VSTM1: variants seen among roughly 807,000 people sequenced by gnomAD.
VSTM1 encodes the protein V-set and transmembrane domain-containing protein 1.
In VSTM1, 27 loss-of-function variants were observed where a neutral mutation model predicts 33.1. The ratio of observed to expected loss-of-function variants is 0.82; its 90% CI spans 0.60 to 1.12. The LOEUF is 1.12. Among genes scored for constraint, VSTM1 ranks in the 50% most tolerant of loss-of-function variants. The pLI is 0.00. For synonymous variants in VSTM1, 115 were observed against 110.3 expected, an observed-to-expected ratio of 1.04 and a Z score of -0.27; for missense variants, 304 against 288.9, an observed-to-expected ratio of 1.05 and a Z score of -0.38.
chr19:54,055,081 A>G (rs1182579541), intron 3 of VSTM1, among the ~76,000 whole-genome samples: 1 of 139,830 alleles, frequency 7.2e-6, no homozygotes. Flanking sequence ...TGGGATCTCA[A>G]GTCATGTATG....
In VSTM1 at chr19:54,056,385, G is replaced by A. The variant is rs1207145682; in HGVS notation, c.355+1921C>T. The stretch of plus-strand genomic sequence containing the variant: ...CACAGGTGCACACCACCACACCCAG[G>A]TAATTATTGTATTTTTGTAGAGATG... On this transcript the variant is annotated intron_variant, in intron 3 of 8. Transcript: ENST00000338372. 1.5e-5 allele frequency among the ~76,000 whole-genome samples: 2 copies of A among 136,436 alleles called. 1 individual carries two copies. Among genetic ancestry groups the A allele is most frequent in the Non-Finnish European group, 3.2e-5 (2 of 62,648 alleles). The allele number at this position is 136,436 out of a possible 152,430, so 89.5% of individuals were successfully genotyped here.
rs1463851459 is a variant in VSTM1 at position 54,059,022 on chromosome 19, CTA to C, written c.35-292_35-291del. 4.7e-5 allele frequency among the ~76,000 whole-genome samples: 7 copies of C among 148,270 alleles called. 1 individual carries two copies. The highest frequency in any genetic ancestry group is 1.0e-4 in the Non-Finnish European group (7 of 67,398). The stretch of plus-strand genomic sequence containing the variant: ...TGTTCCATTGTTTGTCATTCAGAAG[CTA>C]CGTGTATGGAGAAAATTCCAGCAAC... On this transcript the variant is annotated intron_variant, in intron 1 of 8. Transcript: ENST00000338372.
chr19:54,044,310 G>A (rs2146044004), intron 4 of VSTM1, among the ~76,000 whole-genome samples: 1 of 152,254 alleles, frequency 6.6e-6, no homozygotes, highest in Non-Finnish European at 1.5e-5. Flanking sequence ...TGTAATCCTG[G>A]CACTTTGGGA....
Position 54,041,096 on chromosome 19 carries a change from A to G in VSTM1, c.592-16T>C. The stretch of plus-strand genomic sequence containing the variant: ...GGTCTGCCGTCTTTGGAGAAAATAG[A>G]TGAATATTAGAACTGAGTGTTCAAT... On this transcript the variant is annotated splice_polypyrimidine_tract_variant and intron_variant, in intron 8 of 8. Transcript: ENST00000338372. 2.6e-6 allele frequency: 4 copies of G among 1,564,736 alleles called. No individual in the cohort carries two copies. In the South Asian group the frequency reaches 3.6e-5, roughly 14 times the overall value.
In VSTM1 at chr19:54,041,080, T is replaced by C. The variant is rs1405112489; in HGVS notation, c.592A>G (p.Thr198Ala). The C allele has an allele frequency of 7.0e-6, 11 of 1,577,020 alleles. No individual in the cohort carries two copies. In the Admixed American group the frequency reaches 1.8e-4, roughly 25 times the overall value. Residue 198 changes from threonine to alanine, a missense_variant and splice_region_variant, in exon 9 of 9, where the codon ACG (threonine) becomes GCG (alanine). Transcript: ENST00000338372. ...LSNMERVSLS[T>A]ADPQGVTYAE... ...TAGGTCACTCCTTGGGGGTCTGCCG[T>C]CTTTGGAGAAAATAGATGAATATTA...
chr19:54,058,529 A>G lies in VSTM1; in HGVS notation c.132T>C (p.Asn44=), dbSNP rs1456839764. ...AATGAGCCTGACACTTCAGGGTCAC[A>G]TTGCTCTCGGCTTCAACCACCGAGC... is the stretch of plus-strand genomic sequence containing the variant. ...WPSSVVEAES[N]VTLKCQAHSQ... is the part of the protein sequence containing the mutation. Residue 44 remains asparagine (N), a synonymous_variant, in exon 3 of 9, where the codon AAT becomes AAC. Transcript: ENST00000338372. 9 of 1,613,760 alleles carry G rather than the reference A, an allele frequency of 5.6e-6. No individual in the cohort carries two copies. Among genetic ancestry groups the G allele is most frequent in the Admixed American group, 5.0e-5 (3 of 59,946 alleles).
chr19:54,050,078 A>G (rs1310223175), intron 4 of VSTM1, among the ~76,000 whole-genome samples: 1 of 141,330 alleles, frequency 7.1e-6, no homozygotes, highest in African/African-American at 2.7e-5. Context: ...GGCTCACTGC[A>G]ACCTCTGCCT....
At position 54,041,758 on chromosome 19, in the gene VSTM1, C is replaced by T. The variant is rs1165188562; in HGVS notation, c.591+21G>A. 3.1e-6 allele frequency: 5 copies of T among 1,611,492 alleles called. No homozygotes were observed. The African/African-American group carries it at 6.7e-5, about 22-fold the overall frequency. On this transcript the variant is annotated intron_variant, in intron 8 of 8. Coordinates refer to ENST00000338372, the MANE Select transcript of VSTM1 (RefSeq NM_198481.4). ...TTGTGGTGAGGGAGCTCTTGTGGGA[C>T]TCCTAAGCGGGAGGACTCACCGAGA...
chr19:54,045,374 A>G (rs915656312), intron 4 of VSTM1, among the ~76,000 whole-genome samples: 2 of 152,010 alleles, frequency 1.3e-5, no homozygotes, highest in East Asian at 1.9e-4. Context: ...TATCCAATCT[A>G]TCTATCCTAT....
At chr19:54,059,413 T>C (rs2071276999) in intron 1 of VSTM1, among the ~76,000 whole-genome samples, 1 of 152,068 alleles carries the variant, frequency 6.6e-6, no homozygotes, top group Non-Finnish European at 1.5e-5. Flanking sequence ...CCTTTCACCA[T>C]CTAGAAATTG....
chr19:54,042,837 T>TATATATATATATATATATATATATAC (rs1320221580), intron 4 of VSTM1, among the ~76,000 whole-genome samples: 3 of 66,426 alleles, frequency 4.5e-5, no homozygotes, highest in Non-Finnish European at 9.2e-5. Flanking sequence ...TATATATATA[T>TATATATATATATATATATATATATAC]ACATATATAT....
intron 1 of VSTM1, among the ~76,000 whole-genome samples, chr19:54,059,636 A>G (rs1293020050): frequency 6.7e-6 from 1 of 150,256 alleles, no homozygotes; most frequent in Admixed American, 6.7e-5. Context: ...GTGCCCAGCT[A>G]ATTTTTGTTG....
intron 8 of VSTM1, among the ~76,000 whole-genome samples, chr19:54,041,374 T>C (rs1246177155): frequency 6.6e-6 from 1 of 152,092 alleles, no homozygotes; most frequent in Non-Finnish European, 1.5e-5. Context: ...TGATCTCGGC[T>C]CACTGCAACC....
At chr19:54,057,427 A>G (rs1234555374) in intron 3 of VSTM1, among the ~76,000 whole-genome samples, 1 of 151,024 alleles carries the variant, frequency 6.6e-6, no homozygotes, top group Admixed American at 6.6e-5. Flanking sequence ...ATGTGGGAAA[A>G]TCGCTTGAGC....
At chr19:54,051,489 A>G (rs2070839693) in intron 3 of VSTM1, 41 bp from the exon 4 acceptor site, 1 of 1,546,314 alleles carries the variant, frequency 6.5e-7, no homozygotes, top group African/African-American at 1.4e-5. Flanking sequence ...CACTAATCAT[A>G]CAGGAACCTT....
intron 4 of VSTM1, among the ~76,000 whole-genome samples, chr19:54,043,572 C>A (rs549282757): frequency 7.2e-5 from 11 of 152,042 alleles, no homozygotes; most frequent in Admixed American, 2.6e-4. Context: ...CCATCACGCC[C>A]GGCTAATTTT....
At chr19:54,053,979 T>C (rs1238808620) in intron 3 of VSTM1, among the ~76,000 whole-genome samples, 1 of 142,178 alleles carries the variant, frequency 7.0e-6, no homozygotes, top group East Asian at 2.0e-4. Context: ...ATTTGTAGGG[T>C]GAATGGGCAG....
rs762908715 is a variant in VSTM1, at chr19:54,063,772, G to A, written c.6C>T (p.Thr2=). The change falls in exon 1 of 9, where the codon ACC becomes ACT. Residue 2 remains threonine (T), a synonymous_variant. Transcript: ENST00000338372. M[T]AEFLSLLCLG... The stretch of plus-strand genomic sequence containing the variant: ...GGCAAAGCAGGGAGAGGAATTCTGC[G>A]GTCATAGCGTCCCTTCTGCCAGAAC... 8 of 1,613,778 alleles carry A rather than the reference G, an allele frequency of 5.0e-6. No homozygotes were observed. The highest frequency in any genetic ancestry group is 1.7e-4 in the Middle Eastern group (1 of 6,060).
chr19:54,044,660 A>G (rs958791379), intron 4 of VSTM1, among the ~76,000 whole-genome samples: 2 of 152,244 alleles, frequency 1.3e-5, no homozygotes, highest in Non-Finnish European at 2.9e-5. Context: ...ATGCAAGTCT[A>G]CATCATAGCG....
Sources: allele counts gnomAD v4.1 joint callset (sites outside exome capture counted in the v4.1 genomes callset), GRCh38; gene constraint gnomAD v4.1.1; transcripts MANE v1.5; gene names NCBI Gene and HGNC (gene_info 2026-07-23, HGNC 2026-07-21).